ST7: variants seen among roughly 807,000 people sequenced by gnomAD.
The protein encoded by ST7 is suppression of tumorigenicity 7, also known as suppressor of tumorigenicity 7 protein.
A neutral mutation model predicts 78.7 loss-of-function variants in ST7; 28 were observed. That is an observed-to-expected ratio of 0.36 (90% CI 0.26 to 0.49). The LOEUF (loss-of-function observed/expected upper bound fraction) is 0.49, where lower values mean the gene tolerates loss of function less well. ST7 is among the 20% of genes least tolerant of loss of function. ST7 has a pLI of 0.99. For missense variants in ST7, 418 were observed against 696.0 expected, an observed-to-expected ratio of 0.60 and a Z score of 4.49; for synonymous variants, 247 against 249.6, an observed-to-expected ratio of 0.99 and a Z score of 0.10.
chr7:116,962,948 T>C (rs1196563311), intron 1 of ST7, among the ~76,000 whole-genome samples: 2 of 152,228 alleles, frequency 1.3e-5, no homozygotes, highest in Non-Finnish European at 2.9e-5. Context: ...ACTTGGTCCC[T>C]TGACTAGAAT....
intron 1 of ST7, among the ~76,000 whole-genome samples, chr7:117,036,693 A>G (rs143282610): frequency 5.8e-4 from 89 of 152,312 alleles, no homozygotes; most frequent in African/African-American, 2.0e-3. Context: ...GCCATATATC[A>G]TATTCCCATG....
Position 117,119,799 on chromosome 7 carries a change from A to C in ST7, c.394+79A>C, listed in dbSNP as rs182555188. On this transcript the variant is annotated intron_variant, in intron 3 of 15. Transcript: ENST00000323984. ...TATTGTTACTCATACTAAGAGATTA[A>C]GAATGTTGTTATTTAAACATTAGGC... 430 of 1,496,528 alleles carry C rather than the reference A, an allele frequency of 2.9e-4. 1 individual carries two copies. The highest frequency in any genetic ancestry group is 3.7e-4 in the Non-Finnish European group (413 of 1,104,660). 92.7% of individuals were successfully genotyped at this position (1,496,528 alleles called of 1,614,324 possible).
intron 1 of ST7, among the ~76,000 whole-genome samples, chr7:117,003,271 A>G (rs958771895): frequency 1.3e-5 from 2 of 151,334 alleles, no homozygotes; most frequent in African/African-American, 2.4e-5. Context: ...AGCTAAGACT[A>G]TAGGTGTGCA....
chr7:117,080,651 T>A (rs548092029), intron 1 of ST7, among the ~76,000 whole-genome samples: 1 of 152,204 alleles, frequency 6.6e-6, no homozygotes, highest in Non-Finnish European at 1.5e-5. Flanking sequence ...TATGAACTTA[T>A]GGGATTGATG....
chr7:117,198,532 A>G, intron 12 of ST7: 1 of 299,750 alleles, frequency 3.3e-6, no homozygotes, highest in Non-Finnish European at 6.6e-6. Flanking sequence ...TGCAGCTTGT[A>G]GCTGCTTGGT....
intron 7 of ST7, among the ~76,000 whole-genome samples, chr7:117,135,503 ACT>A (rs1243194244): frequency 6.6e-6 from 1 of 152,022 alleles, no homozygotes; most frequent in African/African-American, 2.4e-5. Context: ...ATGTTGAAGC[ACT>A]GTGTTTTTTT....
intron 1 of ST7, among the ~76,000 whole-genome samples, chr7:116,966,646 T>G (rs1793133711): frequency 6.6e-6 from 1 of 152,228 alleles, no homozygotes; most frequent in African/African-American, 2.4e-5. Flanking sequence ...TATTGACTAG[T>G]CACCCAGAAG....
chr7:117,192,163 T>C (rs1563155753), intron 12 of ST7, among the ~76,000 whole-genome samples: 1 of 152,240 alleles, frequency 6.6e-6, no homozygotes, highest in Non-Finnish European at 1.5e-5. Flanking sequence ...TCACCTAAGA[T>C]AAAAATGTTT....
chr7:117,220,566 C>T (rs977838210), intron 14 of ST7, among the ~76,000 whole-genome samples: 2 of 152,180 alleles, frequency 1.3e-5, no homozygotes, highest in Non-Finnish European at 2.9e-5. Context: ...AACAAGATTA[C>T]AGTTCTTAAG....
chr7:117,139,627 G>A (rs1194485462), intron 9 of ST7, among the ~76,000 whole-genome samples: 2 of 152,154 alleles, frequency 1.3e-5, no homozygotes, highest in Non-Finnish European at 2.9e-5. Context: ...CACTCCATTA[G>A]GCAACAGTGT....
intron 1 of ST7, among the ~76,000 whole-genome samples, chr7:116,961,379 A>G (rs1249860503): frequency 6.6e-6 from 1 of 152,208 alleles, no homozygotes; most frequent in Non-Finnish European, 1.5e-5. Flanking sequence ...TAATAGGAAT[A>G]TCATTGAAAT....
At chr7:116,979,824 G>A (rs1308325348) in intron 1 of ST7, among the ~76,000 whole-genome samples, 1 of 151,908 alleles carries the variant, frequency 6.6e-6, no homozygotes, top group Non-Finnish European at 1.5e-5. Flanking sequence ...TACCGTGAGC[G>A]CCACTGCATG....
At chr7:116,989,688 AATTAGCTGGGCATGGTGAC>A (rs1794341233) in intron 1 of ST7, among the ~76,000 whole-genome samples, 1 of 151,836 alleles carries the variant, frequency 6.6e-6, no homozygotes, top group African/African-American at 2.4e-5. Context: ...AAAATTTTTT[AATTAGCTGGGCATGGTGAC>A]ATGTACCTGT....
intron 1 of ST7, among the ~76,000 whole-genome samples, chr7:117,079,968 CTTTTTTTTTTTTTT>C (rs34326752): frequency 7.9e-4 from 52 of 65,440 alleles, no homozygotes; most frequent in Middle Eastern, 0.011. Context: ...TTTGTCATTC[CTTTTTTTTTTTTTT>C]TTTTTTTTTT....
intron 2 of ST7, chr7:117,118,328 C>G (rs1203404426): frequency 6.6e-6 from 1 of 152,188 alleles, no homozygotes; most frequent in Non-Finnish European, 1.5e-5. Context: ...GATACTCAAC[C>G]TATAGTCAAA....
At chr7:116,973,867 T>A (rs950843282) in intron 1 of ST7, among the ~76,000 whole-genome samples, 13 of 152,230 alleles carry the variant, frequency 8.5e-5, no homozygotes, top group African/African-American at 3.1e-4. Flanking sequence ...GGCATATCCA[T>A]TTTACCATAA....
chr7:116,985,630 G>A (rs1315413810), intron 1 of ST7, among the ~76,000 whole-genome samples: 1 of 152,162 alleles, frequency 6.6e-6, no homozygotes, highest in African/African-American at 2.4e-5. Flanking sequence ...ATGAAGTTAG[G>A]AATAATTAAT....
chr7:117,037,703 C>A lies in ST7; in HGVS notation c.152-62059C>A, dbSNP rs576529323. ...ATGTGTGAGGGATCAAATGAGACTT[C>A]CGATTATATGGCAAATAGCATCATC... On this transcript the variant is annotated intron_variant, in intron 1 of 15. Coordinates refer to ENST00000323984, the MANE Select transcript of ST7 (RefSeq NM_001369598.1). Among the ~76,000 whole-genome samples, 7 of 152,256 alleles carry A rather than the reference C, an allele frequency of 4.6e-5. No homozygotes were observed. The East Asian group carries it at 1.3e-3, about 29-fold the overall frequency.
Position 117,230,041 on chromosome 7 carries a change from C to A in ST7, c.*184C>A, listed in dbSNP as rs1433286949. 1.4e-6 allele frequency: 1 copy of A among 732,148 alleles called. No individual in the cohort carries two copies. Among genetic ancestry groups the A allele is most frequent in the South Asian group, 1.5e-5 (1 of 68,160 alleles). The allele number at this position is 732,148 out of a possible 1,614,324, so 45.4% of individuals were successfully genotyped here. On this transcript the variant is annotated 3_prime_UTR_variant, in exon 16 of 16. Transcript: ENST00000323984. ...GTACAAAATTCACTGATGTTCAGTT[C>A]TATTTTATTTTGCCTTCAGAAAAGA...
Sources: gnomAD v4.1 joint callset for allele counts (sites outside exome capture counted in the v4.1 genomes callset) on GRCh38, gnomAD v4.1.1 for gene constraint, MANE v1.5 for transcripts, NCBI Gene and HGNC (gene_info 2026-07-23, HGNC 2026-07-21) for gene names.